The following HINT2 variants were observed in gnomAD, a reference collection of about 807,000 sequenced individuals.
The protein encoded by HINT2 is histidine triad nucleotide binding protein 2, also known as adenosine 5'-monophosphoramidase HINT2.
A neutral mutation model predicts 20.0 loss-of-function variants in HINT2; 17 were observed. The ratio of observed to expected loss-of-function variants is 0.85; its 90% confidence interval spans 0.58 to 1.27. The LOEUF (loss-of-function observed/expected upper bound fraction) is 1.27. Ranked by LOEUF, HINT2 falls within the 50% of genes most tolerant of loss-of-function variation. The pLI, the probability that HINT2 is intolerant of heterozygous loss-of-function variation, is 0.00. For missense variants in HINT2, 217 were observed against 211.9 expected, an observed-to-expected ratio of 1.02 and a Z score of -0.15; for synonymous variants, 96 against 84.2, an observed-to-expected ratio of 1.14 and a Z score of -0.77.
intron 1 of HINT2, 93 bp downstream of exon 1, chr9:35,814,806 C>T: frequency 9.0e-7 from 1 of 1,105,976 alleles, no homozygotes; most frequent in Non-Finnish European, 1.2e-6. Flanking sequence ...CAGGCAGGAG[C>T]TCTGCGCGGC....
At chr9:35,813,958 A>G (rs1212870791) in intron 1 of HINT2, 174 bp from the exon 2 acceptor site, 4 of 646,716 alleles carry the variant, frequency 6.2e-6, no homozygotes, top group East Asian at 5.5e-5. Flanking sequence ...ACCTGGTTAG[A>G]TAACAGGCGG....
rs1828982790 is a variant in HINT2, at chr9:35,814,940, C to T, written c.40G>A (p.Ala14Thr). 6.7e-7 allele frequency: 1 copy of T among 1,485,640 alleles called. No individual in the cohort carries two copies. Among genetic ancestry groups the T allele is most frequent in the Non-Finnish European group, 8.9e-7 (1 of 1,125,506 alleles). 92.0% of individuals were successfully genotyped at this position (1,485,640 alleles called of 1,614,324 possible). ...AVVLAAGLRA[A>T]RRAVAATGVR... ...CCCGTGGCCGCCACGGCTCTGCGCGCCGCGCGCAACCCAGCAGCCAGCACC... is the reference window on the plus strand; with the variant it reads ...CCCGTGGCCGCCACGGCTCTGCGCGTCGCGCGCAACCCAGCAGCCAGCACC... Residue 14 changes from alanine to threonine, a missense_variant, in exon 1 of 5, where the codon GCG becomes ACG. Ala to Thr is a moderately conservative substitution (Grantham distance 58). Coordinates refer to ENST00000259667, the MANE Select transcript of HINT2 (RefSeq NM_032593.3).
intron 1 of HINT2, 36 bp downstream of exon 1, chr9:35,814,863 G>C: frequency 6.8e-7 from 1 of 1,467,914 alleles, no homozygotes; most frequent in South Asian, 1.3e-5. Flanking sequence ...TTCGGAGCCC[G>C]CAGGACCCCC....
rs540550683 is a variant in HINT2 at position 35,813,218 on chromosome 9, A to G, written c.400+48T>C. 11 of 1,612,172 alleles carry G rather than the reference A, an allele frequency of 6.8e-6. No homozygotes were observed. The South Asian group carries it at 1.2e-4, about 18-fold the overall frequency. On this transcript the variant is annotated intron_variant, in intron 4 of 4. Transcript: ENST00000259667. ...AAGAATGAAGATCATATTGAGAAGT[A>G]GGAATGAGAATTCATAGGTGAGGGA...
rs1179274325 is a variant in HINT2 at position 35,814,966 on chromosome 9, A to G, written c.14T>C (p.Val5Ala). Residue 5 changes from valine (V) to alanine (A), a missense_variant, in exon 1 of 5, where the codon GTG (valine) becomes GCG (alanine). Physicochemically the swap from Val to Ala is moderately conservative, Grantham distance 64 (BLOSUM62 0). Transcript: ENST00000259667. ...CGCGCGCAACCCAGCAGCCAGCACC[A>G]CGGCTGCCGCCATCTTCCCTGAGCC... MAAAVVLAAGLRAAR... is the reference protein window; with the variant it reads MAAAAVLAAGLRAAR... The G allele has an allele frequency of 3.4e-6, 5 of 1,474,838 alleles. No individual in the cohort carries two copies. The East Asian group carries it at 1.2e-4, about 35-fold the overall frequency. The allele number at this position is 1,474,838 out of a possible 1,614,324, so 91.4% of individuals were successfully genotyped here. A position where few individuals can be genotyped will look rare whatever the true frequency, so the allele number is the denominator to read the frequency against.
chr9:35,814,643 G>A (rs771646628), intron 1 of HINT2: 28 of 455,306 alleles, frequency 6.1e-5, no homozygotes, highest in Middle Eastern at 5.7e-4. Context: ...TGCAGGCAGT[G>A]GAAAGAAGGC....
intron 4 of HINT2, 22 bp from the exon 5 acceptor site, chr9:35,813,167 G>C: frequency 6.2e-7 from 1 of 1,613,744 alleles, no homozygotes; most frequent in Non-Finnish European, 8.5e-7. Context: ...CTTGGGGTTA[G>C]GGAGTCAGGA....
Position 35,813,141 on chromosome 9 carries a change from G to A in HINT2, c.405C>T (p.Ile135=), listed in dbSNP as rs1340662834. ...EGLGDGYRLV[I]NDGKLGAQSV... is the part of the protein sequence containing the mutation. The stretch of plus-strand genomic sequence containing the variant: ...ATTGTGCACCCAGCTTCCCATCGTT[G>A]ATCACTGAAATTGAGCTTGGGGTTA... Residue 135 remains isoleucine (I), a synonymous_variant, in exon 5 of 5, where the codon ATC becomes ATT. Transcript: ENST00000259667. The A allele has an allele frequency of 2.5e-6, 4 of 1,614,044 alleles. No homozygotes were observed. Among genetic ancestry groups the A allele is most frequent in the African/African-American group, 1.3e-5 (1 of 74,926 alleles).
upstream of HINT2, chr9:35,815,064 G>A: frequency 8.1e-7 from 1 of 1,237,640 alleles, no homozygotes. Flanking sequence ...GCGCGGGGAA[G>A]CGGGGTAGTG....
Position 35,813,378 on chromosome 9 carries a change from A to C in HINT2, c.328-40T>G, listed in dbSNP as rs1228365838. On this transcript the variant is annotated intron_variant, in intron 3 of 4. Coordinates refer to ENST00000259667, the MANE Select transcript of HINT2 (RefSeq NM_032593.3). ...GAGGGACATAGGTGGCTTCATTCAT[A>C]GGGAGCAAGACCTCTAGCTGGGTCC... 1.9e-6 allele frequency: 3 copies of C among 1,609,908 alleles called. No homozygotes were observed. In the African/African-American group the frequency reaches 4.0e-5, roughly 22 times the overall value.
chr9:35,813,845 G>C, intron 1 of HINT2, 61 bp from the exon 2 acceptor site: 1 of 1,534,530 alleles, frequency 6.5e-7, no homozygotes, highest in South Asian at 1.2e-5. Context: ...TCTGATAGTT[G>C]TTAATTTCGT....
rs375484899 is a variant in HINT2 at position 35,813,038 on chromosome 9, T to C, written c.*16A>G. 4 of 1,604,078 alleles carry C rather than the reference T, an allele frequency of 2.5e-6. No homozygotes were observed. The African/African-American group carries it at 4.0e-5, about 16-fold the overall frequency. On this transcript the variant is annotated 3_prime_UTR_variant, in exon 5 of 5. Coordinates refer to ENST00000259667, the MANE Select transcript of HINT2 (RefSeq NM_032593.3). ...CAAGCATCCAGAGTCTGGTGTCCTTTAATCAGTTGGCAGGTTCAACCTGGA... is the reference window on the plus strand; with the variant it reads ...CAAGCATCCAGAGTCTGGTGTCCTTCAATCAGTTGGCAGGTTCAACCTGGA...
intron 1 of HINT2, 126 bp from the exon 2 acceptor site, chr9:35,813,910 G>C (rs775634144): frequency 6.3e-6 from 7 of 1,102,994 alleles, no homozygotes; most frequent in Non-Finnish European, 7.6e-6. Context: ...CTGAATTTCA[G>C]AGCACCAGCA....
At chr9:35,814,591 G>C (rs897845583) in intron 1 of HINT2, 3 of 370,758 alleles carry the variant, frequency 8.1e-6, no homozygotes, top group Admixed American at 9.7e-5. Context: ...GCTCCAAGAA[G>C]AGAAAGCTCA....
chr9:35,813,519 C>T lies in HINT2; in HGVS notation c.253G>A (p.Ala85Thr), dbSNP rs770946377. ...GGAATGACCAGGAAGTGCACAGGAG[C>T]CTGAGGGGCCACATCACGGAACACA... ...CLVFRDVAPQAPVHFLVIPKK... is the reference protein window; with the variant it reads ...CLVFRDVAPQTPVHFLVIPKK... The change falls in exon 3 of 5, where the codon GCT becomes ACT. Residue 85 changes from alanine to threonine, a missense_variant. Coordinates refer to ENST00000259667, the MANE Select transcript of HINT2 (RefSeq NM_032593.3). 12 of 1,614,022 alleles carry T rather than the reference C, an allele frequency of 7.4e-6. No individual in the cohort carries two copies. The African/African-American group carries it at 1.3e-4, about 18-fold the overall frequency.
At chr9:35,814,733 G>A (rs1447034221) in intron 1 of HINT2, 166 bp downstream of exon 1, 4 of 591,460 alleles carry the variant, frequency 6.8e-6, no homozygotes, top group Non-Finnish European at 5.5e-6. Flanking sequence ...CTCGTTCTCC[G>A]GAGCCACCAG....
At chr9:35,815,314 G>A (rs4879928), upstream of HINT2, 100,235 of 251,862 alleles carry the variant, frequency 0.4, 22,082 homozygotes, top group Non-Finnish European at 0.48. Context: ...AAGGATTAAT[G>A]GAGCCTGGAG....
chr9:35,813,885 C>T (rs1828937227), intron 1 of HINT2, 101 bp from the exon 2 acceptor site: 2 of 1,357,204 alleles, frequency 1.5e-6, no homozygotes, highest in Non-Finnish European at 2.0e-6. Context: ...TCGTTCCCAC[C>T]CAGGAGGAAA....
Position 35,815,030 on chromosome 9 carries a change from G to A in HINT2, c.-51C>T. 2 of 1,359,592 alleles carry A rather than the reference G, an allele frequency of 1.5e-6. No individual in the cohort carries two copies. Among genetic ancestry groups the A allele is most frequent in the Non-Finnish European group, 1.9e-6 (2 of 1,058,744 alleles). 84.2% of individuals were successfully genotyped at this position (1,359,592 alleles called of 1,614,324 possible). ...ACCCGGGTCAGCACTCGGCTCCGCG[G>A]CCGGCCGTGGGTGGGGACTCCGGGC... On this transcript the variant is annotated 5_prime_UTR_variant, in exon 1 of 5. Transcript: ENST00000259667.
Sources: allele counts gnomAD v4.1 joint callset, GRCh38; gene constraint gnomAD v4.1.1; transcripts MANE v1.5; gene names NCBI Gene and HGNC (gene_info 2026-07-23, HGNC 2026-07-21).